The following NUDC variants were observed in gnomAD, a reference collection of about 807,000 sequenced individuals.
The protein encoded by NUDC is nuclear migration protein nudC.
NUDC carries 14 observed loss-of-function variants against 45.0 expected under a neutral mutation model. The observed-to-expected ratio is 0.31, with a 90% confidence interval of 0.21 to 0.49. The LOEUF (loss-of-function observed/expected upper bound fraction) is 0.49, where lower values mean the gene tolerates loss of function less well. NUDC is among the 20% of genes least tolerant of loss of function. The pLI, the probability that NUDC is intolerant of heterozygous loss-of-function variation, is 0.99. For synonymous variants in NUDC, 153 were observed against 156.7 expected (o/e 0.98, Z 0.17); for missense variants, 323 against 426.2 (o/e 0.76, Z 2.13).
At chr1:26,917,084 CTTGTT>C (rs1385104825), upstream of NUDC, among the ~76,000 whole-genome samples, 2 of 144,224 alleles carry the variant, frequency 1.4e-5, no homozygotes, top group East Asian at 4.2e-4. Context: ...ATGGTGAAAT[CTTGTT>C]TCTTCTAAAA....
intron 3 of NUDC, chr1:26,914,062 G>T: frequency 1.2e-6 from 1 of 805,892 alleles, no homozygotes; most frequent in Non-Finnish European, 1.7e-6. Context: ...CAGAAGTCAT[G>T]TTCATTGAAA....
chr1:26,930,866 A>AT (rs2082177402), intron 2 of NUDC, among the ~76,000 whole-genome samples: 1 of 151,338 alleles, frequency 6.6e-6, no homozygotes, highest in South Asian at 2.1e-4. Context: ...AAATACAAAA[A>AT]TTAGCTGGGC....
At position 26,945,489 on chromosome 1, in the gene NUDC, T is replaced by C. The variant is rs1299235618; in HGVS notation, c.825+16T>C. The C allele has an allele frequency of 2.5e-6, 4 of 1,613,254 alleles. No individual in the cohort carries two copies. The highest frequency in any genetic ancestry group is 1.7e-5 in the Admixed American group (1 of 59,994). On this transcript the variant is annotated intron_variant, in intron 7 of 8. Transcript: ENST00000321265. ...GAATTCCAAGGTGAGCCCTGGCTGG[T>C]TGGGGGAGCTTCAGCAGGAAGGTGA...
chr1:26,926,772 G>A (rs1388687532), intron 2 of NUDC, among the ~76,000 whole-genome samples: 1 of 151,910 alleles, frequency 6.6e-6, no homozygotes, highest in African/African-American at 2.4e-5. Flanking sequence ...GGCTAATTTT[G>A]TATTTTTAGT....
intron 2 of NUDC, among the ~76,000 whole-genome samples, chr1:26,931,191 C>T (rs1239848294): frequency 5.4e-5 from 8 of 147,458 alleles, no homozygotes; most frequent in African/African-American, 2.0e-4. Flanking sequence ...AGTTCTCCCA[C>T]CTCAGCCTCC....
chr1:26,901,663 C>T (rs942815753), intron 1 of NUDC, among the ~76,000 whole-genome samples: 5 of 152,104 alleles, frequency 3.3e-5, no homozygotes, highest in African/African-American at 1.2e-4. Flanking sequence ...CCTTGGCCTC[C>T]CAAAGTGCTG....
At chr1:26,941,693 G>C in intron 3 of NUDC, 33 bp downstream of exon 3, 1 of 1,613,500 alleles carries the variant, frequency 6.2e-7, no homozygotes, top group South Asian at 1.1e-5. Context: ...CCACCCCTCA[G>C]ATCCCCCCTG....
At chr1:26,927,561 C>G (rs2082144650) in intron 2 of NUDC, among the ~76,000 whole-genome samples, 1 of 151,808 alleles carries the variant, frequency 6.6e-6, no homozygotes, top group Non-Finnish European at 1.5e-5. Context: ...CTATGCCTGG[C>G]TAATTTTCGT....
In NUDC at chr1:26,945,487, G is replaced by T; in HGVS notation, c.825+14G>T. ...GAGAATTCCAAGGTGAGCCCTGGCT[G>T]GTTGGGGGAGCTTCAGCAGGAAGGT... On this transcript the variant is annotated intron_variant, in intron 7 of 8. Coordinates refer to ENST00000321265, the MANE Select transcript of NUDC (RefSeq NM_006600.4). 6.2e-7 allele frequency: 1 copy of T among 1,613,648 alleles called. No individual in the cohort carries two copies. Among genetic ancestry groups the T allele is most frequent in the Non-Finnish European group, 8.5e-7 (1 of 1,179,516 alleles).
At chr1:26,942,571 C>A (rs2082286914) in intron 4 of NUDC, 89 bp from the exon 5 acceptor site, 1 of 1,589,444 alleles carries the variant, frequency 6.3e-7, no homozygotes, top group Admixed American at 1.7e-5. Context: ...GGCTGTATGC[C>A]CAGTGCTAGC....
At chr1:26,908,867 G>A (rs1174913097) in intron 2 of NUDC, among the ~76,000 whole-genome samples, 3 of 150,976 alleles carry the variant, frequency 2.0e-5, no homozygotes, top group Non-Finnish European at 2.9e-5. Context: ...TCGGCCTCCC[G>A]AGTAGCTGGG....
At chr1:26,912,528 T>A (rs1389836967) in intron 3 of NUDC, among the ~76,000 whole-genome samples, 1 of 152,142 alleles carries the variant, frequency 6.6e-6, no homozygotes, top group East Asian at 1.9e-4. Flanking sequence ...GATATGAGTA[T>A]TTGCTACTAT....
chr1:26,915,058 C>CATATATATATATATATATATATATATAT (rs67296768), intron 3 of NUDC, among the ~76,000 whole-genome samples: 42 of 140,516 alleles, frequency 3.0e-4, no homozygotes, highest in African/African-American at 9.5e-4. Context: ...TACATACATA[C>CATATATATATATATATATATATATATAT]ATATATATAT....
intron 2 of NUDC, among the ~76,000 whole-genome samples, chr1:26,927,587 G>A (rs1386892551): frequency 1.3e-5 from 2 of 151,570 alleles, no homozygotes; most frequent in East Asian, 1.9e-4. Flanking sequence ...TAGTAGAGCC[G>A]GGGTTTCACC....
intron 2 of NUDC, among the ~76,000 whole-genome samples, chr1:26,903,271 AAT>A (rs2081988163): frequency 6.6e-6 from 1 of 152,184 alleles, no homozygotes; most frequent in Non-Finnish European, 1.5e-5. Context: ...GGGCTACATA[AAT>A]AAATAAGCTT....
chr1:26,903,408 A>G (rs545338966), intron 2 of NUDC, among the ~76,000 whole-genome samples: 7 of 152,314 alleles, frequency 4.6e-5, no homozygotes, highest in African/African-American at 9.6e-5. Context: ...CTATGAAACA[A>G]TAGAGTTCAT....
At chr1:26,913,876 T>C in intron 3 of NUDC, 1 of 1,495,370 alleles carries the variant, frequency 6.7e-7, no homozygotes, top group Non-Finnish European at 8.9e-7. Flanking sequence ...CAGAAGTGCG[T>C]AGAGAATGGC....
intron 2 of NUDC, among the ~76,000 whole-genome samples, chr1:26,925,940 T>C (rs1161498795): frequency 1.3e-5 from 2 of 152,012 alleles, no homozygotes; most frequent in Admixed American, 1.3e-4. Flanking sequence ...CAGGCTGGTC[T>C]TGAACTCCCA....
intron 1 of NUDC, among the ~76,000 whole-genome samples, chr1:26,901,197 CG>C (rs1364354745): frequency 6.6e-6 from 1 of 152,006 alleles, no homozygotes. Context: ...GTTGGGGTCT[CG>C]CTCTGTCGCC....
Sources: gnomAD v4.1 joint callset for allele counts (sites outside exome capture counted in the v4.1 genomes callset) on GRCh38, gnomAD v4.1.1 for gene constraint, MANE v1.5 for transcripts, NCBI Gene and HGNC (gene_info 2026-07-23, HGNC 2026-07-21) for gene names.